The following KLHL31 variants were observed in gnomAD, a reference collection of about 807,000 sequenced individuals.
The protein encoded by KLHL31 is kelch like family member 31, also known as kelch-like protein 31.
KLHL31 carries 32 observed loss-of-function variants against 47.1 expected under a neutral mutation model. That is an observed-to-expected ratio of 0.68 (90% confidence interval 0.51 to 0.91). The LOEUF (loss-of-function observed/expected upper bound fraction) is 0.91, where lower values mean the gene tolerates loss of function less well. KLHL31 is among the 40% of genes least tolerant of loss of function. KLHL31 has a pLI of 0.00. For missense variants in KLHL31, 797 were observed against 819.3 expected (o/e 0.97, Z 0.33); for synonymous variants, 330 against 325.1 (o/e 1.01, Z -0.16).
chr6:53,652,940 A>G (rs781616519), intron 2 of KLHL31, among the ~76,000 whole-genome samples: 14 of 152,234 alleles, frequency 9.2e-5, no homozygotes, highest in Non-Finnish European at 1.8e-4. Flanking sequence ...TGAGACCAAT[A>G]GAACTGTCTA....
Position 53,648,750 on chromosome 6 carries a change from A to C in KLHL31, c.*2848T>G, listed in dbSNP as rs1764427728. 6.6e-6 allele frequency: 1 copy of C among 152,202 alleles called. No homozygotes were observed. The highest frequency in any genetic ancestry group is 1.5e-5 in the Non-Finnish European group (1 of 68,012). The allele number at this position is 152,202 out of a possible 1,614,324, so 9.4% of individuals were successfully genotyped here. On this transcript the variant is annotated 3_prime_UTR_variant, in exon 3 of 3. Coordinates refer to ENST00000370905, the MANE Select transcript of KLHL31 (RefSeq NM_001003760.5). ...TTCATTCAATGCACTGAAAGCAACT[A>C]ATGCATCAGGGATGACAACTTGGCA... is the stretch of plus-strand genomic sequence containing the variant.
intron 1 of KLHL31, among the ~76,000 whole-genome samples, chr6:53,657,817 G>C (rs575918348): frequency 4.2e-4 from 64 of 152,156 alleles, no homozygotes; most frequent in Admixed American, 7.2e-4. Context: ...GTAGCAGGTA[G>C]GCAGAAAATA....
intron 1 of KLHL31, among the ~76,000 whole-genome samples, chr6:53,660,871 C>T (rs922931191): frequency 6.6e-5 from 10 of 152,090 alleles, no homozygotes; most frequent in Non-Finnish European, 4.4e-5. Context: ...TTCTTGTGGC[C>T]GAATTTTCCT....
Sources: allele counts gnomAD v4.1 joint callset (sites outside exome capture counted in the v4.1 genomes callset), GRCh38; gene constraint gnomAD v4.1.1; transcripts MANE v1.5; gene names NCBI Gene and HGNC (gene_info 2026-07-23, HGNC 2026-07-21).